The following RNF152 variants were observed in gnomAD, a reference collection of about 807,000 sequenced individuals.
The protein encoded by RNF152 is E3 ubiquitin-protein ligase RNF152.
Under a neutral mutation model 12.7 loss-of-function variants are expected in RNF152, and 11 were observed. The ratio of observed to expected loss-of-function variants is 0.86; its 90% CI spans 0.54 to 1.43. RNF152 has a LOEUF of 1.43. RNF152 is among the 40% of genes most tolerant of loss of function. The pLI is 0.00. For synonymous variants in RNF152, 113 were observed against 120.3 expected, an observed-to-expected ratio of 0.94 and a Z score of 0.40; for missense variants, 255 against 274.8, an observed-to-expected ratio of 0.93 and a Z score of 0.51.
At chr18:61,889,593 A>C (rs749168021) in intron 1 of RNF152, among the ~76,000 whole-genome samples, 64 of 152,338 alleles carry the variant, frequency 4.2e-4, no homozygotes, top group Non-Finnish European at 7.1e-4. Flanking sequence ...TGATGGAAGC[A>C]CAAATGTCCC....
intron 1 of RNF152, among the ~76,000 whole-genome samples, chr18:61,892,365 GTGCTCAATTAGAGCA>G (rs1222252776): frequency 1.3e-5 from 2 of 152,190 alleles, no homozygotes; most frequent in African/African-American, 4.8e-5. Context: ...CATTTGACCG[GTGCTCAATTAGAGCA>G]CTGGGCAAAA....
chr18:61,844,788 T>C (rs1910673739), intron 1 of RNF152, among the ~76,000 whole-genome samples: 1 of 152,074 alleles, frequency 6.6e-6, no homozygotes, highest in South Asian at 2.1e-4. Context: ...ACTTGATTTA[T>C]CAAGGGAAGG....
At chr18:61,857,857 A>C (rs1911297432) in intron 1 of RNF152, among the ~76,000 whole-genome samples, 1 of 152,254 alleles carries the variant, frequency 6.6e-6, no homozygotes, top group African/African-American at 2.4e-5. Context: ...TACATTCAAG[A>C]GCATTTTCCA....
intron 1 of RNF152, among the ~76,000 whole-genome samples, chr18:61,857,513 C>A (rs1911278863): frequency 1.3e-5 from 2 of 152,126 alleles, no homozygotes; most frequent in African/African-American, 4.8e-5. Flanking sequence ...TCTCTTCAAA[C>A]AGCAACAGGC....
chr18:61,826,617 T>C (rs980179850), intron 1 of RNF152, among the ~76,000 whole-genome samples: 19 of 152,186 alleles, frequency 1.2e-4, no homozygotes, highest in African/African-American at 4.6e-4. Context: ...TCCATGATAC[T>C]GAACCTAAGG....
chr18:61,811,874 T>C lies in RNF152; in HGVS notation c.*3978A>G, dbSNP rs909112238. The stretch of plus-strand genomic sequence containing the variant: ...ACTATTTTTGGACAATAGGTTAACA[T>C]GCAGCTAATGATCCCAGAAAAGGGG... On this transcript the variant is annotated 3_prime_UTR_variant, in exon 2 of 2. Coordinates refer to ENST00000312828, the MANE Select transcript of RNF152 (RefSeq NM_173557.3). The C allele has an allele frequency of 6.6e-6, 1 of 152,216 alleles. No individual in the cohort carries two copies. Among genetic ancestry groups the C allele is most frequent in the African/African-American group, 2.4e-5 (1 of 41,458 alleles). The allele number at this position is 152,216 out of a possible 1,614,324, so 9.4% of individuals were successfully genotyped here.
At position 61,821,064 on chromosome 18, in the gene RNF152, C is replaced by T. The variant is rs376990512; in HGVS notation, c.-135-4466G>A. On this transcript the variant is annotated intron_variant, in intron 1 of 1. Coordinates refer to ENST00000312828, the MANE Select transcript of RNF152 (RefSeq NM_173557.3). The stretch of plus-strand genomic sequence containing the variant: ...CTCAGTCTAGTGCTCTGCACTGAGG[C>T]ACATATCTGCCCAGAGGCACTTCCT... 7.9e-5 allele frequency among the ~76,000 whole-genome samples: 12 copies of T among 152,344 alleles called. No homozygotes were observed. In the East Asian group the frequency reaches 2.3e-3, roughly 29 times the overall value.
At chr18:61,860,860 C>T (rs1478862598) in intron 1 of RNF152, among the ~76,000 whole-genome samples, 2 of 151,886 alleles carry the variant, frequency 1.3e-5, no homozygotes, top group Non-Finnish European at 2.9e-5. Flanking sequence ...CCTGTGTAAC[C>T]CTAGGCTAAT....
At chr18:61,817,158 G>A (rs1909147132) in intron 1 of RNF152, among the ~76,000 whole-genome samples, 1 of 152,178 alleles carries the variant, frequency 6.6e-6, no homozygotes, top group Non-Finnish European at 1.5e-5. Flanking sequence ...AAGTGACACT[G>A]CAGAAGAAGC....
intron 1 of RNF152, among the ~76,000 whole-genome samples, chr18:61,822,981 C>A (rs190856385): frequency 4.3e-4 from 65 of 152,318 alleles, no homozygotes; most frequent in African/African-American, 1.5e-3. Context: ...AGCTGGCTTG[C>A]CAGCCACTTA....
At chr18:61,859,016 G>A (rs1229269436) in intron 1 of RNF152, among the ~76,000 whole-genome samples, 4 of 152,068 alleles carry the variant, frequency 2.6e-5, no homozygotes, top group Non-Finnish European at 5.9e-5. Context: ...ACAGGAGGGT[G>A]AAGGAGGCCC....
chr18:61,882,329 T>C (rs1912500684), intron 1 of RNF152, among the ~76,000 whole-genome samples: 2 of 152,248 alleles, frequency 1.3e-5, no homozygotes, highest in Admixed American at 1.3e-4. Flanking sequence ...TGTTTGCCTA[T>C]AAAATTCCCC....
At chr18:61,847,814 T>C (rs902353848) in intron 1 of RNF152, among the ~76,000 whole-genome samples, 21 of 152,056 alleles carry the variant, frequency 1.4e-4, no homozygotes, top group African/African-American at 5.1e-4. Flanking sequence ...CCTTCACACC[T>C]ACTCTTCCCT....
intron 1 of RNF152, among the ~76,000 whole-genome samples, chr18:61,855,121 A>G (rs1398381822): frequency 1.3e-5 from 2 of 152,222 alleles, no homozygotes; most frequent in Admixed American, 1.3e-4. Context: ...CACAATTATA[A>G]CCAGTGGGAA....
At position 61,810,141 on chromosome 18, in the gene RNF152, C is replaced by T. The variant is rs1912899066; in HGVS notation, c.*5711G>A. ...ACACTCCCAAAGGTAGTTAGTTTGACATAATGTATGCAGCCCATAGCAACA... is the reference window on the plus strand; with the variant it reads ...ACACTCCCAAAGGTAGTTAGTTTGATATAATGTATGCAGCCCATAGCAACA... On this transcript the variant is annotated 3_prime_UTR_variant, in exon 2 of 2. Transcript: ENST00000312828. 2.6e-5 allele frequency: 4 copies of T among 152,188 alleles called. No individual in the cohort carries two copies. The allele number at this position is 152,188 out of a possible 1,614,324, so 9.4% of individuals were successfully genotyped here.
chr18:61,861,416 T>C (rs1263275657), intron 1 of RNF152, among the ~76,000 whole-genome samples: 1 of 152,234 alleles, frequency 6.6e-6, no homozygotes, highest in East Asian at 1.9e-4. Context: ...CTTGGAGCAA[T>C]GGCTGTACTG....
intron 1 of RNF152, among the ~76,000 whole-genome samples, chr18:61,822,091 G>A (rs1239449057): frequency 1.3e-5 from 2 of 151,924 alleles, no homozygotes; most frequent in African/African-American, 4.8e-5. Flanking sequence ...GAATGCATAA[G>A]AACAAGTATA....
At chr18:61,834,210 A>G (rs573134492) in intron 1 of RNF152, among the ~76,000 whole-genome samples, 1 of 152,348 alleles carries the variant, frequency 6.6e-6, no homozygotes, top group South Asian at 2.1e-4. Flanking sequence ...TCTTTCTCTT[A>G]TCTCATCTCT....
intron 1 of RNF152, among the ~76,000 whole-genome samples, chr18:61,828,131 G>A (rs940994323): frequency 5.3e-5 from 8 of 152,116 alleles, no homozygotes; most frequent in African/African-American, 1.7e-4. Context: ...AGATATTTCC[G>A]CCACCCCGAA....
Sources: gnomAD v4.1 joint callset for allele counts (sites outside exome capture counted in the v4.1 genomes callset) on GRCh38, gnomAD v4.1.1 for gene constraint, MANE v1.5 for transcripts, NCBI Gene and HGNC (gene_info 2026-07-23, HGNC 2026-07-21) for gene names.